UBTD2: variants seen among roughly 807,000 people sequenced by gnomAD.
The protein encoded by UBTD2 is ubiquitin domain-containing protein 2.
In UBTD2, 9 loss-of-function variants were observed where a neutral mutation model predicts 19.8. The ratio of observed to expected loss-of-function variants is 0.46; its 90% confidence interval spans 0.27 to 0.79. The LOEUF is 0.79. Among genes scored for constraint, UBTD2 ranks in the 30% least tolerant of loss-of-function variants. UBTD2 has a pLI of 0.14. For synonymous variants in UBTD2, 98 were observed against 103.9 expected, an observed-to-expected ratio of 0.94 and a Z score of 0.35; for missense variants, 250 against 300.4, an observed-to-expected ratio of 0.83 and a Z score of 1.24.
chr5:172,223,425 C>A (rs1270739375), intron 2 of UBTD2, among the ~76,000 whole-genome samples: 1 of 151,442 alleles, frequency 6.6e-6, no homozygotes, highest in Non-Finnish European at 1.5e-5. Flanking sequence ...ATGGTGAAAT[C>A]CTGTCTCTAC....
chr5:172,219,724 T>C (rs971873707), intron 2 of UBTD2, among the ~76,000 whole-genome samples: 1 of 152,154 alleles, frequency 6.6e-6, no homozygotes, highest in Non-Finnish European at 1.5e-5. Context: ...ATTTGTGAAG[T>C]TGTAAAGAAG....
At chr5:172,264,878 A>C (rs1365681309) in intron 1 of UBTD2, among the ~76,000 whole-genome samples, 6 of 152,224 alleles carry the variant, frequency 3.9e-5, no homozygotes, top group Non-Finnish European at 7.3e-5. Flanking sequence ...CCCATCTCAA[A>C]AAAAAACACA....
chr5:172,232,403 G>C (rs1771920541), intron 2 of UBTD2, among the ~76,000 whole-genome samples: 1 of 149,924 alleles, frequency 6.7e-6, no homozygotes, highest in African/African-American at 2.4e-5. Flanking sequence ...TACATGTATA[G>C]AAAAAGTGAT....
intron 1 of UBTD2, among the ~76,000 whole-genome samples, chr5:172,262,556 A>T (rs1755292559): frequency 6.6e-6 from 1 of 152,038 alleles, no homozygotes; most frequent in Non-Finnish European, 1.5e-5. Context: ...TCACATCTGT[A>T]ATCCCAGCAC....
intron 1 of UBTD2, chr5:172,242,440 T>C: frequency 1.1e-5 from 11 of 985,416 alleles, no homozygotes; most frequent in Non-Finnish European, 1.3e-5. Flanking sequence ...TAGGCCAGCA[T>C]TTCTCAGCTG....
rs770599445 is a variant in UBTD2, at chr5:172,211,841, C to T, written c.694G>A (p.Val232Met). Residue 232 changes from valine to methionine, a missense_variant, in exon 3 of 3, where the codon GTG (valine) becomes ATG (methionine). Physicochemically the swap from Val to Met is conservative, Grantham distance 21. Transcript: ENST00000393792. ...CAACAGGGCTCAGTTCAGTTCTCCA[C>T]TGGTGTTGGGTTCTGCACAGGTTGG... The part of the protein sequence containing the change: ...VSQPVQNPTP[V>M]EN 6 of 1,608,704 alleles carry T rather than the reference C, an allele frequency of 3.7e-6. No homozygotes were observed. The East Asian group carries it at 6.7e-5, about 18-fold the overall frequency.
intron 1 of UBTD2, among the ~76,000 whole-genome samples, chr5:172,238,932 G>A (rs1772066606): frequency 6.6e-6 from 1 of 152,090 alleles, no homozygotes; most frequent in Non-Finnish European, 1.5e-5. Context: ...AGCGTGAGGG[G>A]AAAAATGGAG....
intron 1 of UBTD2, among the ~76,000 whole-genome samples, chr5:172,282,242 C>CT (rs1581238566): frequency 6.6e-6 from 1 of 152,152 alleles, no homozygotes; most frequent in African/African-American, 2.4e-5. Flanking sequence ...AAATCGTGCC[C>CT]TTTTTATCTT....
At chr5:172,259,717 T>C (rs1481025795) in intron 1 of UBTD2, among the ~76,000 whole-genome samples, 1 of 151,974 alleles carries the variant, frequency 6.6e-6, no homozygotes, top group Non-Finnish European at 1.5e-5. Flanking sequence ...TGACAAGGTA[T>C]TGATTTAGTT....
intron 2 of UBTD2, among the ~76,000 whole-genome samples, chr5:172,221,049 C>T (rs1306207665): frequency 6.6e-5 from 10 of 152,020 alleles, no homozygotes; most frequent in East Asian, 1.9e-4. Context: ...ATAAGTCTAA[C>T]GAAGTATGTA....
Position 172,234,201 on chromosome 5 carries a change from A to G in UBTD2, c.228T>C (p.Ala76=), listed in dbSNP as rs1210162841. 2 of 1,614,090 alleles carry G rather than the reference A, an allele frequency of 1.2e-6. No homozygotes were observed. The highest frequency in any genetic ancestry group is 1.7e-6 in the Non-Finnish European group (2 of 1,180,054). ...GRKEIWDALK[A]AAHAFESNDH... Reference sequence around the variant, plus strand: ...CATTGCTCTCAAAAGCATGTGCAGCAGCCTTCAAGGCATCCCAAATCTCTT... The same window carrying G: ...CATTGCTCTCAAAAGCATGTGCAGCGGCCTTCAAGGCATCCCAAATCTCTT... The change falls in exon 2 of 3, where the codon GCT becomes GCC. Residue 76 remains alanine (A), a synonymous_variant. Coordinates refer to ENST00000393792, the MANE Select transcript of UBTD2 (RefSeq NM_152277.3).
intron 1 of UBTD2, among the ~76,000 whole-genome samples, chr5:172,273,747 A>G (rs1450322063): frequency 1.3e-5 from 2 of 152,088 alleles, no homozygotes; most frequent in African/African-American, 4.8e-5. Context: ...TGTAAACTCT[A>G]GTGCTAAAAC....
At chr5:172,266,601 C>T (rs1005682907) in intron 1 of UBTD2, among the ~76,000 whole-genome samples, 2 of 152,044 alleles carry the variant, frequency 1.3e-5, no homozygotes, top group Non-Finnish European at 2.9e-5. Flanking sequence ...ATTTTATGCC[C>T]AAGAGAGGAA....
chr5:172,245,107 T>C (rs1257253840), intron 1 of UBTD2, among the ~76,000 whole-genome samples: 1 of 152,190 alleles, frequency 6.6e-6, no homozygotes, highest in Non-Finnish European at 1.5e-5. Flanking sequence ...AAAGCTATTC[T>C]AGATAAACCA....
chr5:172,262,813 C>CA (rs1285912161), intron 1 of UBTD2, among the ~76,000 whole-genome samples: 1 of 151,440 alleles, frequency 6.6e-6, no homozygotes, highest in African/African-American at 2.4e-5. Context: ...AGACTCATCT[C>CA]AAAAAAAAGT....
chr5:172,234,381 G>A (rs1409381263), intron 1 of UBTD2, 23 bp from the exon 2 acceptor site: 1 of 1,594,418 alleles, frequency 6.3e-7, no homozygotes, highest in Non-Finnish European at 8.6e-7. Context: ...ATAAAAGACT[G>A]AGATCAAACC....
intron 1 of UBTD2, among the ~76,000 whole-genome samples, chr5:172,236,272 G>A (rs534731901): frequency 6.6e-6 from 1 of 152,362 alleles, no homozygotes; most frequent in African/African-American, 2.4e-5. Flanking sequence ...AGTTCTGAAA[G>A]GGTGAGGAAG....
chr5:172,280,473 GTAC>G (rs1755687921), intron 1 of UBTD2, among the ~76,000 whole-genome samples: 1 of 140,140 alleles, frequency 7.1e-6, no homozygotes, highest in Non-Finnish European at 1.5e-5. Flanking sequence ...TCGTGCCACT[GTAC>G]CGCAGCCTGG....
chr5:172,255,293 GA>G, intron 1 of UBTD2: 1 of 446,344 alleles, frequency 2.2e-6, no homozygotes. Context: ...TCTAGGGTCT[GA>G]AAGAACTCAT....
Sources: gnomAD v4.1 joint callset for allele counts (sites outside exome capture counted in the v4.1 genomes callset) on GRCh38, gnomAD v4.1.1 for gene constraint, MANE v1.5 for transcripts, NCBI Gene and HGNC (gene_info 2026-07-23, HGNC 2026-07-21) for gene names.